The following SUN2 variants were observed in gnomAD, a reference collection of about 807,000 sequenced individuals.
SUN2 encodes SUN domain-containing protein 2.
Under a neutral mutation model 100.0 loss-of-function variants are expected in SUN2, and 60 were observed. The ratio of observed to expected loss-of-function variants is 0.60; its 90% CI spans 0.49 to 0.74. SUN2 has a LOEUF of 0.74. SUN2 is among the 30% of genes least tolerant of loss of function. The pLI, the probability that SUN2 is intolerant of heterozygous loss-of-function variation, is 0.00. For synonymous variants in SUN2, 367 were observed against 403.3 expected, an observed-to-expected ratio of 0.91 and a Z score of 1.08; for missense variants, 834 against 954.6, an observed-to-expected ratio of 0.87 and a Z score of 1.66.
In SUN2 at chr22:38,738,430, A is replaced by C. The variant is rs1185298588; in HGVS notation, c.1947+157T>G. The C allele has an allele frequency of 8.6e-7, 1 of 1,158,120 alleles. No individual in the cohort carries two copies. Among genetic ancestry groups the C allele is most frequent in the Non-Finnish European group, 1.2e-6 (1 of 809,848 alleles). The allele number at this position is 1,158,120 out of a possible 1,614,324, so 71.7% of individuals were successfully genotyped here. ...GTTTCTGCCTCCAAAGCCTAAGGTA[A>C]CAGGGACTGAAGTGCTGTCTCCCAC... On this transcript the variant is annotated intron_variant, in intron 16 of 17. Coordinates refer to ENST00000689035, the MANE Select transcript of SUN2 (RefSeq NM_015374.3). This position sits in a 1 kb window ranked among gnomAD's most constrained non-coding sequence, Gnocchi z 6.6.
At chr22:38,746,441 G>A (rs1474664624) in intron 7 of SUN2, among the ~76,000 whole-genome samples, 2 of 152,200 alleles carry the variant, frequency 1.3e-5, no homozygotes, top group Non-Finnish European at 2.9e-5. Context: ...GCAGGTGGCA[G>A]GGGAGCGGGG....
At chr22:38,745,571 G>C in intron 8 of SUN2, 113 bp downstream of exon 8, 1 of 1,384,734 alleles carries the variant, frequency 7.2e-7, no homozygotes, top group South Asian at 1.3e-5. Context: ...GCAACTAACA[G>C]TACGCCTCAG....
rs1021027363 is a variant in SUN2, at chr22:38,738,640, C to G, written c.1894G>C (p.Ala632Pro). Residue 632 changes from alanine to proline, a missense_variant, in exon 16 of 18, where the codon GCC becomes CCC. By Grantham distance (27) the Ala-to-Pro change is conservative (BLOSUM62 -1). Transcript: ENST00000689035. The surrounding 1 kb of genome is among the most constrained non-coding windows in gnomAD (Gnocchi z 6.6). ...TAVTLEHVPKALSPNSTISSA... is the reference protein window; with the variant it reads ...TAVTLEHVPKPLSPNSTISSA... ...GAGATAGTGCTGTTGGGTGACAAGGCCTTGGGCACATGCTCTAAGGTAACG... is the reference window on the plus strand; with the variant it reads ...GAGATAGTGCTGTTGGGTGACAAGGGCTTGGGCACATGCTCTAAGGTAACG... 3.5e-5 allele frequency: 57 copies of G among 1,613,892 alleles called. No homozygotes were observed. Among genetic ancestry groups the G allele is most frequent in the Non-Finnish European group, 4.6e-5 (54 of 1,180,020 alleles).
chr22:38,737,829 T>G lies in SUN2; in HGVS notation c.2040+344A>C. The G allele has an allele frequency of 6.0e-6, 3 of 496,782 alleles. No homozygotes were observed. The highest frequency in any genetic ancestry group is 8.0e-6 in the Non-Finnish European group (2 of 250,898). 30.8% of individuals were successfully genotyped at this position (496,782 alleles called of 1,614,324 possible). A position where few individuals can be genotyped will look rare whatever the true frequency, so the allele number is the denominator to read the frequency against. On this transcript the variant is annotated intron_variant, in intron 17 of 17. Coordinates refer to ENST00000689035, the MANE Select transcript of SUN2 (RefSeq NM_015374.3). The surrounding 1 kb of genome is among the most constrained non-coding windows in gnomAD (Gnocchi z 4.1). ...CACTGCCTGAGGCTCCAGCTGGCCA[T>G]GGTAGAATGCCCGCGCCCTGGCATG...
At chr22:38,742,777 A>G (rs2145986068) in intron 8 of SUN2, 1 of 574,554 alleles carries the variant, frequency 1.7e-6, no homozygotes, top group East Asian at 3.0e-5. Flanking sequence ...CCACAGAGGA[A>G]GGTCCCTGAG....
Position 38,754,613 on chromosome 22 carries a change from C to T in SUN2, c.-38+1150G>A, listed in dbSNP as rs368346390. 5.2e-5 allele frequency: 33 copies of T among 633,004 alleles called. 1 individual carries two copies. The highest frequency in any genetic ancestry group is 1.6e-4 in the South Asian group (11 of 67,162). 39.2% of individuals were successfully genotyped at this position (633,004 alleles called of 1,614,324 possible). ...CCTTATAAGGTAATCTCCCCTCCCC[C>T]CTCCCTGCCCCGCCCGTACGGTCCC... On this transcript the variant is annotated intron_variant, in intron 1 of 17. Transcript: ENST00000689035.
intron 8 of SUN2, among the ~76,000 whole-genome samples, chr22:38,744,858 A>T (rs1170096583): frequency 6.6e-6 from 1 of 152,192 alleles, no homozygotes; most frequent in Admixed American, 6.5e-5. Context: ...CTTTCTGGTT[A>T]TGCTGACTGC....
Position 38,742,421 on chromosome 22 carries a change from G to A in SUN2, c.948C>T (p.Gly316=), listed in dbSNP as rs774177965. The A allele has an allele frequency of 3.1e-6, 5 of 1,612,620 alleles. No homozygotes were observed. The highest frequency in any genetic ancestry group is 2.5e-6 in the Non-Finnish European group (3 of 1,179,796). The change falls in exon 9 of 18, where the codon GGC becomes GGT. Residue 316 remains glycine (G), a synonymous_variant. Coordinates refer to ENST00000689035, the MANE Select transcript of SUN2 (RefSeq NM_015374.3). The part of the protein sequence containing the change: ...ERLELRQGAP[G]QGGGGGLSHE... ...GGCTCAGGCCACCACCACCTCCCTG[G>A]CCAGGAGCCCCTTGCCGCAGCTCCA...
chr22:38,741,528 TCTG>T lies in SUN2; in HGVS notation c.1109_1111del (p.Ser370_Glu371delinsTer). The T allele has an allele frequency of 6.2e-7, 1 of 1,614,074 alleles. No homozygotes were observed. Among genetic ancestry groups the T allele is most frequent in the Non-Finnish European group, 8.5e-7 (1 of 1,180,022 alleles). On this transcript the variant is annotated stop_gained and inframe_deletion, in exon 10 of 18. Coordinates refer to ENST00000689035, the MANE Select transcript of SUN2 (RefSeq NM_015374.3). LOFTEE classifies it high-confidence loss of function. The stretch of plus-strand genomic sequence containing the variant: ...CCGGACGATCTTCTTGAAGAGGTCT[TCTG>T]AGTCTTGCTGATGCTCTGCTCTCAG...
Position 38,738,141 on chromosome 22 carries a change from G to C in SUN2, c.2040+32C>G, listed in dbSNP as rs374339478. On this transcript the variant is annotated intron_variant, in intron 17 of 17. Transcript: ENST00000689035. This position sits in a 1 kb window ranked among gnomAD's most constrained non-coding sequence, Gnocchi z 6.6. ...CCTGCTGCCTGGATGGGGAGTCTGC[G>C]CCACTTCTGCTAGCACAGCAGCATC... 1.2e-6 allele frequency: 2 copies of C among 1,601,860 alleles called. No homozygotes were observed. The highest frequency in any genetic ancestry group is 3.3e-5 in the Admixed American group (2 of 60,012).
Position 38,751,245 on chromosome 22 carries a change from C to T in SUN2, c.251G>A (p.Ser84Asn), listed in dbSNP as rs1194247242. The T allele has an allele frequency of 1.2e-6, 2 of 1,613,902 alleles. No individual in the cohort carries two copies. Among genetic ancestry groups the T allele is most frequent in the Non-Finnish European group, 1.7e-6 (2 of 1,179,802 alleles). Residue 84 changes from serine (S) to asparagine (N), a missense_variant, in exon 3 of 18, where the codon AGC becomes AAC. By Grantham distance (46) the Ser-to-Asn change is conservative. This residue lies in a region of SUN2 where 559 missense variants were observed against 597.7 expected (regional missense o/e 0.94). Transcript: ENST00000689035. ...LVHESWFPPR[S>N]SLEELHGDAN... ...GTCACCATGCAGTTCCTCCAGGGAG[C>T]TCCTGGGTGGGAACCAGGACTCGTG... is the stretch of plus-strand genomic sequence containing the variant.
chr22:38,749,741 T>A, intron 6 of SUN2, 25 bp downstream of exon 6: 2 of 1,607,544 alleles, frequency 1.2e-6, no homozygotes, highest in South Asian at 1.1e-5. Context: ...TTGCGATTTA[T>A]TGGCAAGGGT....
chr22:38,750,326 G>A lies in SUN2; in HGVS notation c.425-6C>T. On this transcript the variant is annotated splice_polypyrimidine_tract_variant and splice_region_variant and intron_variant, in intron 4 of 17. Transcript: ENST00000689035. ...CTGGTCCACATCCGAGTAGCCTGCG[G>A]GGAACGAGGACACTGGCTCAGTCTC... 4 of 1,613,866 alleles carry A rather than the reference G, an allele frequency of 2.5e-6. No individual in the cohort carries two copies. The highest frequency in any genetic ancestry group is 3.4e-6 in the Non-Finnish European group (4 of 1,179,998).
In SUN2 at chr22:38,754,730, C is replaced by G. The variant is rs568212924; in HGVS notation, c.-38+1033G>C. 50 of 1,289,174 alleles carry G rather than the reference C, an allele frequency of 3.9e-5. 1 individual carries two copies. Among genetic ancestry groups the G allele is most frequent in the South Asian group, 3.7e-4 (30 of 81,020 alleles). 79.9% of individuals were successfully genotyped at this position (1,289,174 alleles called of 1,614,324 possible). A position where few individuals can be genotyped will look rare whatever the true frequency, so the allele number is the denominator to read the frequency against. ...ACCTTTGCCCAGGGCAGAAACAAGG[C>G]AACATGTTTATACCATACCCAAGCT... On this transcript the variant is annotated intron_variant, in intron 1 of 17. Coordinates refer to ENST00000689035, the MANE Select transcript of SUN2 (RefSeq NM_015374.3).
rs751392512 is a variant in SUN2, at chr22:38,739,375, T to C, written c.1630A>G (p.Ile544Val). The change falls in exon 14 of 18, where the codon ATC becomes GTC. Residue 544 changes from isoleucine (I) to valine (V), a missense_variant. By Grantham distance (29) the Ile-to-Val change is conservative. Transcript: ENST00000689035. This position sits in a 1 kb window ranked among gnomAD's most constrained non-coding sequence, Gnocchi z 6.7. ...QALQRYSEDR[I>V]GLADYALESG... ...TCCAGGGCGTAGTCTGCCAGCCCGA[T>C]GCGGTCCTCACTGTAGCGCTGCAGG... The C allele has an allele frequency of 1.1e-5, 17 of 1,613,144 alleles. No homozygotes were observed. In the Middle Eastern group the frequency reaches 5.0e-4, roughly 47 times the overall value.
intron 10 of SUN2, 119 bp from the exon 11 acceptor site, chr22:38,741,169 AC>A: frequency 8.8e-7 from 1 of 1,137,826 alleles, no homozygotes; most frequent in East Asian, 2.6e-5. Context: ...AGGTCTCTTG[AC>A]CCCTGCAGCA....
intron 6 of SUN2, 32 bp downstream of exon 6, chr22:38,749,734 C>G (rs771691621): frequency 6.2e-7 from 1 of 1,603,294 alleles, no homozygotes; most frequent in East Asian, 2.2e-5. Flanking sequence ...CAGGGCCTTG[C>G]GATTTATTGG....
At chr22:38,750,059 G>A (rs1041287787) in intron 5 of SUN2, among the ~76,000 whole-genome samples, 166 bp downstream of exon 5, 1 of 148,378 alleles carries the variant, frequency 6.7e-6, no homozygotes. Flanking sequence ...TCCCTTCCAC[G>A]CAAGGGGGTC....
Position 38,751,331 on chromosome 22 carries a change from T to G in SUN2, c.165A>C (p.Pro55=), listed in dbSNP as rs149042921. ...RKSSNMKRLS[P]APQLGPSSDA... ...CAGAGGACGGGCCCAGCTGTGGCGC[T>G]GGGGACAGGCGCTTCATGTTGCTGG... The change falls in exon 3 of 18, where the codon CCA becomes CCC. Residue 55 remains proline (P), a synonymous_variant. Coordinates refer to ENST00000689035, the MANE Select transcript of SUN2 (RefSeq NM_015374.3). 9 of 1,614,008 alleles carry G rather than the reference T, an allele frequency of 5.6e-6. No individual in the cohort carries two copies. In the African/African-American group the frequency reaches 1.1e-4, roughly 19 times the overall value.
Sources: allele counts gnomAD v4.1 joint callset (sites outside exome capture counted in the v4.1 genomes callset), GRCh38; gene constraint gnomAD v4.1.1; regional missense constraint gnomAD v4.1.1; non-coding constraint Gnocchi (gnomAD v3.1); transcripts MANE v1.5; gene names NCBI Gene and HGNC (gene_info 2026-07-23, HGNC 2026-07-21).